Variants in CLEC16A observed in about 807,000 individuals in gnomAD.
CLEC16A encodes C-type lectin domain containing 16A, also known as protein CLEC16A.
In CLEC16A, 51 loss-of-function variants were observed where a neutral mutation model predicts 109.5. The observed-to-expected ratio is 0.47, with a 90% CI of 0.37 to 0.59. The LOEUF (loss-of-function observed/expected upper bound fraction) is 0.59. CLEC16A is among the 20% of genes least tolerant of loss of function. The pLI is 0.00. For missense variants in CLEC16A, 1,339 were observed against 1,394.0 expected (o/e 0.96, Z 0.63); for synonymous variants, 673 against 564.2 (o/e 1.19, Z -2.73).
intron 23 of CLEC16A, among the ~76,000 whole-genome samples, chr16:11,168,384 G>A (rs943260417): frequency 6.6e-6 from 1 of 152,230 alleles, no homozygotes; most frequent in Non-Finnish European, 1.5e-5. Flanking sequence ...ATAAGTGAGA[G>A]TCAGGACCTC....
intron 10 of CLEC16A, among the ~76,000 whole-genome samples, chr16:11,000,530 G>T (rs1231250686): frequency 6.6e-6 from 1 of 152,184 alleles, no homozygotes; most frequent in African/African-American, 2.4e-5. Context: ...GATGCTTCAG[G>T]AGAAGATGAG....
chr16:11,138,286 G>A (rs1228795252), intron 22 of CLEC16A, among the ~76,000 whole-genome samples: 1 of 152,222 alleles, frequency 6.6e-6, no homozygotes, highest in African/African-American at 2.4e-5. Context: ...GGGCTCTGTG[G>A]TGCTTCTGGC....
At chr16:11,113,598 G>A (rs2051752529) in intron 19 of CLEC16A, among the ~76,000 whole-genome samples, 1 of 152,182 alleles carries the variant, frequency 6.6e-6, no homozygotes, top group African/African-American at 2.4e-5. Flanking sequence ...GGCCGAGGCT[G>A]CAGTAAGCCA....
At chr16:10,973,632 G>A (rs1280611893) in intron 7 of CLEC16A, among the ~76,000 whole-genome samples, 1 of 151,242 alleles carries the variant, frequency 6.6e-6, no homozygotes, top group Non-Finnish European at 1.5e-5. Context: ...GCAGTGGGGT[G>A]ATCATGGCTC....
chr16:11,123,192 G>A (rs11644163), intron 20 of CLEC16A, among the ~76,000 whole-genome samples: 12,906 of 152,020 alleles, frequency 0.085, 582 homozygotes, highest in East Asian at 0.12. Flanking sequence ...GTGAGCCACC[G>A]TGCCCAGCCC....
chr16:10,984,362 A>G (rs950069955), intron 10 of CLEC16A, among the ~76,000 whole-genome samples: 7 of 152,184 alleles, frequency 4.6e-5, no homozygotes, highest in Non-Finnish European at 5.9e-5. Context: ...GGGCCTTTTC[A>G]TGGCCCCTGT....
At chr16:11,134,237 C>T (rs1310517472) in intron 22 of CLEC16A, among the ~76,000 whole-genome samples, 1 of 150,762 alleles carries the variant, frequency 6.6e-6, no homozygotes, top group African/African-American at 2.5e-5. Context: ...CACCTAAGGC[C>T]TCACTGGTAC....
chr16:11,038,441 C>T (rs1355270402), intron 13 of CLEC16A, among the ~76,000 whole-genome samples: 1 of 152,132 alleles, frequency 6.6e-6, no homozygotes, highest in Non-Finnish European at 1.5e-5. Context: ...TTTTGAAGAG[C>T]CACGTCAGTT....
intron 10 of CLEC16A, among the ~76,000 whole-genome samples, chr16:10,998,433 C>A (rs888264137): frequency 2.0e-5 from 3 of 152,198 alleles, no homozygotes; most frequent in African/African-American, 7.2e-5. Context: ...GTGGTGAAAC[C>A]TAAACCTGTG....
intron 19 of CLEC16A, among the ~76,000 whole-genome samples, chr16:11,066,997 A>C (rs2048796915): frequency 6.6e-6 from 1 of 152,176 alleles, no homozygotes; most frequent in Non-Finnish European, 1.5e-5. Context: ...TAAAAAAAGC[A>C]TTTATGAACA....
chr16:11,094,273 A>G (rs1369753027), intron 19 of CLEC16A, among the ~76,000 whole-genome samples: 2 of 152,218 alleles, frequency 1.3e-5, no homozygotes, highest in Non-Finnish European at 2.9e-5. Flanking sequence ...CTGAAGGGTA[A>G]CATGAGTCAG....
At chr16:11,104,459 A>C (rs148342269) in intron 19 of CLEC16A, among the ~76,000 whole-genome samples, 1 of 152,242 alleles carries the variant, frequency 6.6e-6, no homozygotes, top group Admixed American at 6.5e-5. Flanking sequence ...TCTCTAGACT[A>C]TGTCCTCTGC....
chr16:11,103,088 G>A (rs1007401268), intron 19 of CLEC16A, among the ~76,000 whole-genome samples: 6 of 152,230 alleles, frequency 3.9e-5, no homozygotes, highest in African/African-American at 1.2e-4. Flanking sequence ...AATGCTCCCC[G>A]GACCTTCTGG....
At chr16:10,983,691 C>T (rs2043458203) in intron 10 of CLEC16A, among the ~76,000 whole-genome samples, 1 of 152,112 alleles carries the variant, frequency 6.6e-6, no homozygotes, top group African/African-American at 2.4e-5. Context: ...TATATCTCTG[C>T]TGTCATCTCT....
chr16:11,022,928 T>C (rs945253043), intron 12 of CLEC16A, among the ~76,000 whole-genome samples: 7 of 149,182 alleles, frequency 4.7e-5, no homozygotes, highest in Admixed American at 4.0e-4. Flanking sequence ...TATATATGTA[T>C]ATATAGGCCT....
At chr16:11,094,894 C>A (rs187374605) in intron 19 of CLEC16A, among the ~76,000 whole-genome samples, 11 of 152,280 alleles carry the variant, frequency 7.2e-5, no homozygotes, top group African/African-American at 2.6e-4. Context: ...CCTTTAAGCA[C>A]ATAATGGAAA....
chr16:11,018,748 C>CAAAAAAAAAAAAAAAAAA (rs56911220), intron 11 of CLEC16A, among the ~76,000 whole-genome samples: 1 of 96,276 alleles, frequency 1.0e-5, no homozygotes, highest in African/African-American at 4.4e-5. Context: ...GACTCCATCT[C>CAAAAAAAAAAAAAAAAAA]AAAAAAAAAA....
At chr16:10,999,421 C>T (rs2044529052) in intron 10 of CLEC16A, among the ~76,000 whole-genome samples, 3 of 152,106 alleles carry the variant, frequency 2.0e-5, no homozygotes, top group African/African-American at 7.2e-5. Flanking sequence ...TCACGTATAG[C>T]CTTTGAAAAG....
At chr16:11,063,412 C>A (rs562859714) in intron 19 of CLEC16A, among the ~76,000 whole-genome samples, 1 of 151,224 alleles carries the variant, frequency 6.6e-6, no homozygotes, top group Non-Finnish European at 1.5e-5. Flanking sequence ...AGGTGAAGGA[C>A]AGGTGAAGCC....
Sources: allele counts gnomAD v4.1 joint callset (sites outside exome capture counted in the v4.1 genomes callset), GRCh38; gene constraint gnomAD v4.1.1; transcripts MANE v1.5; gene names NCBI Gene and HGNC (gene_info 2026-07-23, HGNC 2026-07-21).